ERGIC2: variants seen among roughly 807,000 people sequenced by gnomAD.
The protein encoded by ERGIC2 is ERGIC and golgi 2.
In ERGIC2, 31 loss-of-function variants were observed where a neutral mutation model predicts 52.5. The ratio of observed to expected loss-of-function variants is 0.59; its 90% CI spans 0.44 to 0.80. The LOEUF is 0.80. Among genes scored for constraint, ERGIC2 ranks in the 30% least tolerant of loss-of-function variants. The pLI is 0.00. For synonymous variants in ERGIC2, 129 were observed against 140.6 expected, an observed-to-expected ratio of 0.92 and a Z score of 0.58; for missense variants, 395 against 455.2, an observed-to-expected ratio of 0.87 and a Z score of 1.20.
intron 3 of ERGIC2, among the ~76,000 whole-genome samples, chr12:29,369,535 CA>C: frequency 6.6e-6 from 1 of 152,010 alleles, no homozygotes; most frequent in East Asian, 1.9e-4. Flanking sequence ...ATGTAAATGG[CA>C]AACCTGGATT....
At chr12:29,367,537 G>A (rs1439795738) in intron 4 of ERGIC2, among the ~76,000 whole-genome samples, 1 of 151,646 alleles carries the variant, frequency 6.6e-6, no homozygotes, top group Non-Finnish European at 1.5e-5. Context: ...AAAACATATT[G>A]AAAAGAAAGA....
intron 1 of ERGIC2, among the ~76,000 whole-genome samples, chr12:29,376,616 G>C (rs2136884324): frequency 6.6e-6 from 1 of 152,258 alleles, no homozygotes; most frequent in South Asian, 2.1e-4. Context: ...TCCCCAAGTA[G>C]GAACTACCCT....
chr12:29,370,402 C>T (rs1259179939), intron 2 of ERGIC2, among the ~76,000 whole-genome samples, 180 bp from the exon 3 acceptor site: 3 of 151,780 alleles, frequency 2.0e-5, no homozygotes, highest in African/African-American at 7.2e-5. Flanking sequence ...TTTTCTAATA[C>T]AGCTCAAAAG....
rs763823956 is a variant in ERGIC2, at chr12:29,371,618, G to A, written c.16C>T (p.Arg6Trp). 2.5e-6 allele frequency: 4 copies of A among 1,612,956 alleles called. No homozygotes were observed. Among genetic ancestry groups the A allele is most frequent in the Admixed American group, 1.7e-5 (1 of 59,908 alleles). ...TTTACCAAACTTAAAGTTTTTTTCC[G>A]ATTCAGTCGCCTCATCTTCAGGAAA... Reference protein sequence around the residue: MRRLNRKKTLSLVKEL... With the variant: MRRLNWKKTLSLVKEL... Residue 6 changes from arginine to tryptophan, a missense_variant, in exon 2 of 14, where the codon CGG (arginine) becomes TGG (tryptophan). Coordinates refer to ENST00000360150, the MANE Select transcript of ERGIC2 (RefSeq NM_016570.3).
intron 1 of ERGIC2, among the ~76,000 whole-genome samples, chr12:29,375,798 A>C (rs989440546): frequency 6.6e-6 from 1 of 152,050 alleles, no homozygotes; most frequent in Non-Finnish European, 1.5e-5. Context: ...TTTCCAGGGG[A>C]TATCACTCTA....
rs1413507974 is a variant in ERGIC2 at position 29,342,146 on chromosome 12, G to A, written c.989-330C>T. On this transcript the variant is annotated intron_variant, in intron 12 of 13. Transcript: ENST00000360150. ...TGTGCTTCAGCCTCCCAATTAGCTG[G>A]GATTACAGGCATGTACCACCATGCC... Among the ~76,000 whole-genome samples the A allele has an allele frequency of 4.6e-5, 7 of 152,220 alleles. No individual in the cohort carries two copies. In the East Asian group the frequency reaches 9.7e-4, roughly 21 times the overall value.
chr12:29,349,404 A>G (rs1269049457), intron 9 of ERGIC2, among the ~76,000 whole-genome samples: 1 of 152,074 alleles, frequency 6.6e-6, no homozygotes, highest in East Asian at 1.9e-4. Flanking sequence ...CTCAAATTTA[A>G]TAATTATATA....
Position 29,370,104 on chromosome 12 carries a change from A to C in ERGIC2, c.215+10T>G, listed in dbSNP as rs772004652. ...TCTAAAGGTATTCCAAGAAGAAAAA[A>C]AATGATTACCTAGAAAAATCCTTGT... On this transcript the variant is annotated intron_variant, in intron 3 of 13. Transcript: ENST00000360150. The C allele has an allele frequency of 3.9e-5, 59 of 1,494,860 alleles. No homozygotes were observed. The highest frequency in any genetic ancestry group is 1.1e-4 in the Admixed American group (4 of 36,532). 92.6% of individuals were successfully genotyped at this position (1,494,860 alleles called of 1,614,324 possible).
rs1949806678 is a variant in ERGIC2, at chr12:29,337,672, A to G, written c.*3484T>C. On this transcript the variant is annotated 3_prime_UTR_variant, in exon 14 of 14. Coordinates refer to ENST00000360150, the MANE Select transcript of ERGIC2 (RefSeq NM_016570.3). ...AAGGTTTGCTAGAGCTCAAAACAGGAAAAGTACTAGCTTAAAAGGCATGCT... is the reference window on the plus strand; with the variant it reads ...AAGGTTTGCTAGAGCTCAAAACAGGGAAAGTACTAGCTTAAAAGGCATGCT... 6.6e-6 allele frequency: 1 copy of G among 152,212 alleles called. No individual in the cohort carries two copies. Among genetic ancestry groups the G allele is most frequent in the South Asian group, 2.1e-4 (1 of 4,834 alleles). 9.4% of individuals were successfully genotyped at this position (152,212 alleles called of 1,614,324 possible). A position where few individuals can be genotyped will look rare whatever the true frequency, so the allele number is the denominator to read the frequency against.
intron 1 of ERGIC2, among the ~76,000 whole-genome samples, chr12:29,375,697 A>G (rs1940505155): frequency 6.6e-6 from 1 of 152,148 alleles, no homozygotes; most frequent in Non-Finnish European, 1.5e-5. Context: ...TCCTAATAAT[A>G]CATACAACCT....
chr12:29,340,045 A>C lies in ERGIC2; in HGVS notation c.*1111T>G, dbSNP rs1426362521. 6.6e-6 allele frequency: 1 copy of C among 152,184 alleles called. No individual in the cohort carries two copies. Among genetic ancestry groups the C allele is most frequent in the African/African-American group, 2.4e-5 (1 of 41,466 alleles). The allele number at this position is 152,184 out of a possible 1,614,324, so 9.4% of individuals were successfully genotyped here. A position where few individuals can be genotyped will look rare whatever the true frequency, so the allele number is the denominator to read the frequency against. ...TTTTATAATGTGAAGATTTAGAACC[A>C]ATCCTTAAATAGTAAGAAAGTTAGA... is the stretch of plus-strand genomic sequence containing the variant. On this transcript the variant is annotated 3_prime_UTR_variant, in exon 14 of 14. Coordinates refer to ENST00000360150, the MANE Select transcript of ERGIC2 (RefSeq NM_016570.3).
intron 5 of ERGIC2, among the ~76,000 whole-genome samples, chr12:29,363,865 C>G (rs1940319753): frequency 6.9e-6 from 1 of 144,632 alleles, no homozygotes; most frequent in Non-Finnish European, 1.5e-5. Context: ...GTGACCACAA[C>G]AGTTAGAATA....
chr12:29,347,596 C>T (rs1025729141), intron 10 of ERGIC2, among the ~76,000 whole-genome samples: 1 of 152,122 alleles, frequency 6.6e-6, no homozygotes, highest in Non-Finnish European at 1.5e-5. Flanking sequence ...CTATGAAGGG[C>T]AGGGACTATG....
chr12:29,379,322 T>C (rs1430341031), intron 1 of ERGIC2, among the ~76,000 whole-genome samples: 1 of 152,118 alleles, frequency 6.6e-6, no homozygotes, highest in Non-Finnish European at 1.5e-5. Context: ...AGAGGGTAGA[T>C]CTGAGCCACA....
chr12:29,362,841 A>G (rs1940305696), intron 5 of ERGIC2, among the ~76,000 whole-genome samples: 1 of 152,200 alleles, frequency 6.6e-6, no homozygotes, highest in South Asian at 2.1e-4. Context: ...ATTATAGCAT[A>G]TAAGGAAAAT....
In ERGIC2 at chr12:29,341,213, A is replaced by G; in HGVS notation, c.1077T>C (p.Pro359=). The G allele has an allele frequency of 6.2e-7, 1 of 1,606,784 alleles. No individual in the cohort carries two copies. Among genetic ancestry groups the G allele is most frequent in the Admixed American group, 1.7e-5 (1 of 59,668 alleles). The change falls in exon 14 of 14, where the codon CCT becomes CCC. Residue 359 remains proline (P), a synonymous_variant. Coordinates refer to ENST00000360150, the MANE Select transcript of ERGIC2 (RefSeq NM_016570.3). ...LGSYKPVNSV[P]FEDGHTDNHL... Reference sequence around the variant, plus strand: ...GGTTGTCTGTGTGGCCATCCTCAAAAGGAACCTAAGGAGAAAAGGAGGGAA... The same window carrying G: ...GGTTGTCTGTGTGGCCATCCTCAAAGGGAACCTAAGGAGAAAAGGAGGGAA...
chr12:29,368,341 A>T, intron 3 of ERGIC2, 54 bp from the exon 4 acceptor site: 1 of 931,840 alleles, frequency 1.1e-6, no homozygotes, highest in South Asian at 1.4e-5. Flanking sequence ...GCAAAACATG[A>T]GAAATATAAA....
At chr12:29,349,261 C>G in intron 9 of ERGIC2, 84 bp from the exon 10 acceptor site, 1 of 533,300 alleles carries the variant, frequency 1.9e-6, no homozygotes, top group Non-Finnish European at 3.3e-6. Flanking sequence ...ACATCCTTAT[C>G]TATTCTCAAA....
At position 29,337,399 on chromosome 12, in the gene ERGIC2, CTAAA is replaced by C. The variant is rs1357094820; in HGVS notation, c.*3753_*3756del. The C allele has an allele frequency of 5.3e-5, 7 of 131,166 alleles. No homozygotes were observed. The East Asian group carries it at 6.4e-4, about 12-fold the overall frequency. The allele number at this position is 131,166 out of a possible 1,614,324, so 8.1% of individuals were successfully genotyped here. A position where few individuals can be genotyped will look rare whatever the true frequency, so the allele number is the denominator to read the frequency against. ...AGTCCAAATGTTTATGCTTGCAATA[CTAAA>C]TATTTTGTTTTTTCTCTCAAGACAA... On this transcript the variant is annotated 3_prime_UTR_variant, in exon 14 of 14. Coordinates refer to ENST00000360150, the MANE Select transcript of ERGIC2 (RefSeq NM_016570.3).
Sources: allele counts gnomAD v4.1 joint callset (sites outside exome capture counted in the v4.1 genomes callset), GRCh38; gene constraint gnomAD v4.1.1; transcripts MANE v1.5; gene names NCBI Gene and HGNC (gene_info 2026-07-23, HGNC 2026-07-21).